Variants in DEPTOR observed in about 807,000 individuals in gnomAD.
The protein encoded by DEPTOR is DEP domain-containing mTOR-interacting protein.
Under a neutral mutation model 41.6 loss-of-function variants are expected in DEPTOR, and 41 were observed. That is an observed-to-expected ratio of 0.98 (90% CI 0.77 to 1.28). The LOEUF (loss-of-function observed/expected upper bound fraction) is 1.28, where lower values mean the gene tolerates loss of function less well. Ranked by LOEUF, DEPTOR falls within the 50% of genes most tolerant of loss-of-function variation. The probability of loss-of-function intolerance (pLI) is 0.00; values close to 1 mark genes in which losing one functional copy is unlikely to be tolerated. For synonymous variants in DEPTOR, 195 were observed against 192.3 expected (o/e 1.01, Z -0.12); for missense variants, 514 against 527.9 (o/e 0.97, Z 0.26).
chr8:119,926,338 A>G (rs1827963699), intron 1 of DEPTOR, among the ~76,000 whole-genome samples: 1 of 152,146 alleles, frequency 6.6e-6, no homozygotes, highest in Non-Finnish European at 1.5e-5. Context: ...AGGAAGCCCT[A>G]AGGACTCAAA....
rs1463480380 is a variant in DEPTOR at position 120,049,970 on chromosome 8, C to T, written c.*266C>T. 1 of 269,888 alleles carries T rather than the reference C, an allele frequency of 3.7e-6. No homozygotes were observed. Among genetic ancestry groups the T allele is most frequent in the East Asian group, 7.8e-5 (1 of 12,864 alleles). The allele number at this position is 269,888 out of a possible 1,614,324, so 16.7% of individuals were successfully genotyped here. On this transcript the variant is annotated 3_prime_UTR_variant, in exon 9 of 9. Coordinates refer to ENST00000286234, the MANE Select transcript of DEPTOR (RefSeq NM_022783.4). ...TGCCTTACTAGATTTCTATTTGTAG[C>T]TCTCATTCATTGTTTTTTATCTTAG...
At chr8:119,880,176 TAAAATAAAATAAAGAAGCC>T (rs1335023888) in intron 1 of DEPTOR, among the ~76,000 whole-genome samples, 4 of 148,842 alleles carry the variant, frequency 2.7e-5, no homozygotes, top group Non-Finnish European at 5.9e-5. Flanking sequence ...TAAAATAAAA[TAAAATAAAATAAAGAAGCC>T]CAACAATATC....
intron 1 of DEPTOR, among the ~76,000 whole-genome samples, chr8:119,918,542 C>A (rs1827845205): frequency 1.3e-5 from 2 of 152,106 alleles, no homozygotes; most frequent in East Asian, 1.9e-4. Context: ...CTCACTGCAA[C>A]CTCCGCCTCC....
At chr8:119,978,144 T>C (rs1828719743) in intron 4 of DEPTOR, among the ~76,000 whole-genome samples, 2 of 152,180 alleles carry the variant, frequency 1.3e-5, no homozygotes, top group African/African-American at 4.8e-5. Context: ...TCCCCTGCAG[T>C]ATGAGGTCCT....
intron 8 of DEPTOR, among the ~76,000 whole-genome samples, chr8:120,030,745 T>G (rs571927548): frequency 7.0e-4 from 106 of 152,068 alleles, no homozygotes; most frequent in African/African-American, 2.2e-3. Flanking sequence ...CCTCAAGTAA[T>G]GCACTCGCCT....
At chr8:119,876,385 C>A (rs991831496) in intron 1 of DEPTOR, among the ~76,000 whole-genome samples, 1 of 152,112 alleles carries the variant, frequency 6.6e-6, no homozygotes, top group African/African-American at 2.4e-5. Context: ...TGCCCGTAAT[C>A]CTGGCCCTTT....
chr8:120,043,831 G>A (rs1484965390), intron 8 of DEPTOR, among the ~76,000 whole-genome samples: 1 of 151,962 alleles, frequency 6.6e-6, no homozygotes, highest in Non-Finnish European at 1.5e-5. Flanking sequence ...CGCCAACATG[G>A]TGAAACCCCG....
chr8:119,996,336 G>A (rs1301916912), intron 4 of DEPTOR, among the ~76,000 whole-genome samples: 2 of 152,182 alleles, frequency 1.3e-5, no homozygotes, highest in East Asian at 1.9e-4. Context: ...AACAGTGGTT[G>A]TAAAATAATA....
chr8:119,898,526 C>G (rs1270008681), intron 1 of DEPTOR, among the ~76,000 whole-genome samples: 1 of 151,966 alleles, frequency 6.6e-6, no homozygotes, highest in Non-Finnish European at 1.5e-5. Context: ...GAGTTCAAGA[C>G]CAGCCTGGGC....
chr8:119,874,106 G>A, intron 1 of DEPTOR, 138 bp downstream of exon 1: 1 of 1,407,924 alleles, frequency 7.1e-7, no homozygotes, highest in Non-Finnish European at 9.6e-7. Context: ...CGCGTGGATG[G>A]TCCTCGGTGC....
At chr8:119,935,938 T>C (rs1287481956) in intron 3 of DEPTOR, among the ~76,000 whole-genome samples, 1 of 151,406 alleles carries the variant, frequency 6.6e-6, no homozygotes, top group Non-Finnish European at 1.5e-5. Flanking sequence ...TAATTCAACC[T>C]CAGTTTTGAT....
At chr8:119,992,813 T>A (rs1031155626) in intron 4 of DEPTOR, among the ~76,000 whole-genome samples, 1 of 151,954 alleles carries the variant, frequency 6.6e-6, no homozygotes, top group Admixed American at 6.6e-5. Flanking sequence ...CGCACCACCA[T>A]GCCTGGCTAA....
intron 8 of DEPTOR, among the ~76,000 whole-genome samples, chr8:120,012,878 C>T (rs1293120713): frequency 6.6e-6 from 1 of 151,840 alleles, no homozygotes; most frequent in Non-Finnish European, 1.5e-5. Context: ...GATGGGAGGC[C>T]AGGCTCAGTG....
chr8:119,951,084 C>CAA (rs1445907163), intron 3 of DEPTOR, among the ~76,000 whole-genome samples: 1 of 151,808 alleles, frequency 6.6e-6, no homozygotes, highest in Non-Finnish European at 1.5e-5. Context: ...CACACACACA[C>CAA]ACACACACAC....
intron 1 of DEPTOR, among the ~76,000 whole-genome samples, chr8:119,886,357 T>C (rs115714930): frequency 0.019 from 2,825 of 152,246 alleles, 87 homozygotes; most frequent in African/African-American, 0.063. Flanking sequence ...CCTGACTTCG[T>C]TGGTTAGGTC....
At chr8:120,041,181 T>A (rs1326714331) in intron 8 of DEPTOR, among the ~76,000 whole-genome samples, 3 of 152,198 alleles carry the variant, frequency 2.0e-5, no homozygotes, top group Non-Finnish European at 4.4e-5. Flanking sequence ...AATACAGACT[T>A]CCATGACAGT....
chr8:119,981,792 G>A (rs1412155664), intron 4 of DEPTOR, among the ~76,000 whole-genome samples: 4 of 151,878 alleles, frequency 2.6e-5, no homozygotes, highest in East Asian at 1.9e-4. Context: ...CAAGGCAGGC[G>A]AATCACAAGG....
At chr8:119,976,330 C>T (rs907506338) in intron 4 of DEPTOR, among the ~76,000 whole-genome samples, 2 of 152,062 alleles carry the variant, frequency 1.3e-5, no homozygotes, top group African/African-American at 4.8e-5. Context: ...TTGTTTTGTT[C>T]ATTTCTGTAT....
At chr8:119,927,632 G>T (rs1827980202) in intron 1 of DEPTOR, among the ~76,000 whole-genome samples, 1 of 149,400 alleles carries the variant, frequency 6.7e-6, no homozygotes. Flanking sequence ...TTTTAAGACG[G>T]AGTTTCACTC....
Sources: allele counts gnomAD v4.1 joint callset (sites outside exome capture counted in the v4.1 genomes callset), GRCh38; gene constraint gnomAD v4.1.1; transcripts MANE v1.5; gene names NCBI Gene and HGNC (gene_info 2026-07-23, HGNC 2026-07-21).